PCDHA4: variants seen among roughly 807,000 people sequenced by gnomAD.
The protein encoded by PCDHA4 is protocadherin alpha-4.
PCDHA4 carries 49 observed loss-of-function variants against 61.4 expected under a neutral mutation model. That is an observed-to-expected ratio of 0.80 (90% CI 0.63 to 1.01). The LOEUF is 1.01. PCDHA4 is among the 50% of genes least tolerant of loss of function. PCDHA4 has a pLI of 0.00. For synonymous variants in PCDHA4, 590 were observed against 550.3 expected, an observed-to-expected ratio of 1.07 and a Z score of -1.01; for missense variants, 1,254 against 1,235.8, an observed-to-expected ratio of 1.01 and a Z score of -0.22.
rs2150172253 is a variant in PCDHA4, at chr5:140,829,667, G to A, written c.2385+20095G>A. ...GTACGCGCTGCAGCCGCTGGACCAC[G>A]AGGAGCTAGAGCTGCTGCAGTTTCA... On this transcript the variant is annotated intron_variant, in intron 1 of 3. Coordinates refer to ENST00000530339, the MANE Select transcript of PCDHA4 (RefSeq NM_018907.4). 11 of 1,612,886 alleles carry A rather than the reference G, an allele frequency of 6.8e-6. 1 individual carries two copies. The South Asian group carries it at 8.8e-5, about 13-fold the overall frequency.
chr5:140,834,127 T>C (rs1554134048), intron 1 of PCDHA4: 1 of 448,364 alleles, frequency 2.2e-6, no homozygotes, highest in African/African-American at 2.0e-5. Flanking sequence ...ATAAAACTTT[T>C]CATCTGATTA....
At chr5:140,861,560 C>A in intron 1 of PCDHA4, 2 of 391,162 alleles carry the variant, frequency 5.1e-6, no homozygotes, top group Admixed American at 2.5e-5. Flanking sequence ...TGATCGTGGA[C>A]AAGCTGCTAC....
chr5:140,870,353 T>C lies in PCDHA4; in HGVS notation c.2385+60781T>C, dbSNP rs782038424. On this transcript the variant is annotated intron_variant, in intron 1 of 3. Transcript: ENST00000530339. ...GACAGCGCCCTGGACCGCGAGAACG[T>C]GTGGGCCTATGAACTGGTGGTGACT... is the stretch of plus-strand genomic sequence containing the variant. The C allele has an allele frequency of 3.7e-6, 6 of 1,614,002 alleles. No homozygotes were observed. The Admixed American group carries it at 8.3e-5, about 22-fold the overall frequency.
At chr5:140,993,462 T>TCACACACACACACACA (rs3836747) in intron 3 of PCDHA4, among the ~76,000 whole-genome samples, 10 of 140,938 alleles carry the variant, frequency 7.1e-5, no homozygotes, top group African/African-American at 2.4e-4. Flanking sequence ...TCTTTCTTTC[T>TCACACACACACACACA]CACACACACA....
At chr5:140,824,019 G>C in intron 1 of PCDHA4, 1 of 1,614,082 alleles carries the variant, frequency 6.2e-7, no homozygotes, top group Non-Finnish European at 8.5e-7. Flanking sequence ...GGAGCTGGTC[G>C]TACTCGCAGC....
chr5:140,988,862 T>G (rs1554250483), intron 3 of PCDHA4: 2 of 152,218 alleles, frequency 1.3e-5, no homozygotes, highest in Non-Finnish European at 1.5e-5. Flanking sequence ...CAGTCTCATG[T>G]GCACTCAGAT....
intron 3 of PCDHA4, among the ~76,000 whole-genome samples, chr5:140,990,800 A>C (rs1474894854): frequency 3.9e-5 from 6 of 152,216 alleles, no homozygotes; most frequent in Non-Finnish European, 2.9e-5. Context: ...CATGGAATAC[A>C]GAAGAAGCTC....
intron 1 of PCDHA4, among the ~76,000 whole-genome samples, chr5:140,969,715 A>G (rs1312398688): frequency 6.6e-6 from 1 of 152,082 alleles, no homozygotes; most frequent in Non-Finnish European, 1.5e-5. Context: ...CTACAGGGAA[A>G]TTTTTCTTTT....
intron 1 of PCDHA4, chr5:140,830,638 T>C (rs1389009396): frequency 2.4e-5 from 12 of 501,874 alleles, no homozygotes; most frequent in African/African-American, 1.2e-4. Context: ...TTAATCTCTT[T>C]GCTTCTTTAA....
At chr5:140,985,531 C>T (rs542453995) in intron 3 of PCDHA4, among the ~76,000 whole-genome samples, 102 of 152,254 alleles carry the variant, frequency 6.7e-4, no homozygotes, top group African/African-American at 1.9e-3. Context: ...TAAAGCTTCA[C>T]GGTGAAGATG....
intron 1 of PCDHA4, chr5:140,969,200 G>C (rs2096305926): frequency 1.2e-6 from 2 of 1,614,132 alleles, no homozygotes; most frequent in Non-Finnish European, 1.7e-6. Flanking sequence ...TTACAATACA[G>C]GGGCCCAGAC....
intron 1 of PCDHA4, chr5:140,884,394 G>A (rs2060142596): frequency 3.7e-6 from 6 of 1,613,880 alleles, no homozygotes; most frequent in East Asian, 2.2e-5. Flanking sequence ...GCGGTGTCCA[G>A]CCTGTTGGTG....
In PCDHA4 at chr5:140,807,515, G is replaced by T; in HGVS notation, c.328G>T (p.Val110Leu). Residue 110 changes from valine (V) to leucine (L), a missense_variant, in exon 1 of 4, where the codon GTA (valine) becomes TTA (leucine). Val to Leu is a conservative substitution (Grantham distance 32). Coordinates refer to ENST00000530339, the MANE Select transcript of PCDHA4 (RefSeq NM_018907.4). ...AECSIHLEVI[V>L]DRPLQVFHVD... ...GTGCAGCATCCACCTGGAGGTGATC[G>T]TAGACAGGCCGCTGCAGGTTTTCCA... 2 of 1,613,912 alleles carry T rather than the reference G, an allele frequency of 1.2e-6. No homozygotes were observed. The highest frequency in any genetic ancestry group is 1.7e-6 in the Non-Finnish European group (2 of 1,179,954).
rs1554143145 is a variant in PCDHA4 at position 140,849,656 on chromosome 5, C to T, written c.2385+40084C>T. The T allele has an allele frequency of 2.4e-5, 38 of 1,598,658 alleles. 2 individuals are homozygous for T. Among genetic ancestry groups the T allele is most frequent in the Non-Finnish European group, 3.2e-5 (37 of 1,168,036 alleles). On this transcript the variant is annotated intron_variant, in intron 1 of 3. Transcript: ENST00000530339. The stretch of plus-strand genomic sequence containing the variant: ...CAGATGCCAACGGGCAGGTTACCTG[C>T]TCCCTGACGCCCCACGTCCCCTTCA...
Position 140,857,279 on chromosome 5 carries a change from G to T in PCDHA4, c.2385+47707G>T, listed in dbSNP as rs782434219. ...TTACTACTCATTGGTGCTGGACAGC[G>T]CTCTGGACCGCGAGAGGGTGTCGGC... On this transcript the variant is annotated intron_variant, in intron 1 of 3. Transcript: ENST00000530339. 22 of 1,598,726 alleles carry T rather than the reference G, an allele frequency of 1.4e-5. No homozygotes were observed. The East Asian group carries it at 4.7e-4, about 34-fold the overall frequency.
rs781944777 is a variant in PCDHA4, at chr5:140,978,930, T to A, written c.2386-19T>A. ...TTGTCTTGTCATTTTAACAGAAAAC[T>A]CTCTTTGTGATTTTGCAGCCACGAC... On this transcript the variant is annotated intron_variant, in intron 1 of 3. Transcript: ENST00000530339. The A allele has an allele frequency of 1.2e-6, 2 of 1,614,088 alleles. No homozygotes were observed. The highest frequency in any genetic ancestry group is 8.5e-7 in the Non-Finnish European group (1 of 1,180,010).
chr5:140,821,804 G>C, intron 1 of PCDHA4: 1 of 1,613,464 alleles, frequency 6.2e-7, no homozygotes, highest in South Asian at 1.1e-5. Context: ...GGAAGTCTGG[G>C]ATCCCGGCTC....
chr5:141,011,509 G>C lies in PCDHA4; in HGVS notation c.*1572G>C, dbSNP rs2098420853. ...TTTTGTACACCTGTGAAAAAGTGGA[G>C]TAGTGTTTTTTTAACCATTGTTAAT... is the stretch of plus-strand genomic sequence containing the variant. On this transcript the variant is annotated 3_prime_UTR_variant, in exon 4 of 4. Coordinates refer to ENST00000530339, the MANE Select transcript of PCDHA4 (RefSeq NM_018907.4). The C allele has an allele frequency of 6.5e-6, 1 of 153,760 alleles. No individual in the cohort carries two copies. The highest frequency in any genetic ancestry group is 1.5e-5 in the Non-Finnish European group (1 of 68,040). The allele number at this position is 153,760 out of a possible 1,614,324, so 9.5% of individuals were successfully genotyped here.
intron 1 of PCDHA4, chr5:140,867,266 A>G (rs553827522): frequency 2.6e-5 from 4 of 152,196 alleles, no homozygotes; most frequent in African/African-American, 9.6e-5. Flanking sequence ...CTTTTGTTCA[A>G]AATAAACCTG....
Sources: allele counts gnomAD v4.1 joint callset (sites outside exome capture counted in the v4.1 genomes callset), GRCh38; gene constraint gnomAD v4.1.1; transcripts MANE v1.5; gene names NCBI Gene and HGNC (gene_info 2026-07-23, HGNC 2026-07-21).